The following SBNO1 variants were observed in gnomAD, a reference collection of about 807,000 sequenced individuals.
SBNO1 encodes the protein strawberry notch homolog 1.
In SBNO1, 23 loss-of-function variants were observed where a neutral mutation model predicts 173.6. That is an observed-to-expected ratio of 0.13 (90% CI 0.10 to 0.19). The LOEUF (loss-of-function observed/expected upper bound fraction) is 0.19, where lower values mean the gene tolerates loss of function less well. SBNO1 is among the 10% of genes least tolerant of loss of function. The probability of loss-of-function intolerance (pLI) is 1.00; values close to 1 mark genes in which losing one functional copy is unlikely to be tolerated. For synonymous variants in SBNO1, 632 were observed against 571.5 expected, an observed-to-expected ratio of 1.11 and a Z score of -1.51; for missense variants, 1,238 against 1,671.2, an observed-to-expected ratio of 0.74 and a Z score of 4.52.
chr12:123,312,088 T>C (rs1443832559), intron 24 of SBNO1, among the ~76,000 whole-genome samples: 2 of 151,910 alleles, frequency 1.3e-5, no homozygotes, highest in East Asian at 1.9e-4. Context: ...AATCTTTTTT[T>C]TTTTTTTCTG....
chr12:123,292,727 C>T lies in SBNO1; in HGVS notation c.*3181G>A, dbSNP rs2048529996. ...AAATATATATAGATACATACACACACTACATTGCTTTGGATGCAGGTTCTT... is the reference window on the plus strand; with the variant it reads ...AAATATATATAGATACATACACACATTACATTGCTTTGGATGCAGGTTCTT... On this transcript the variant is annotated 3_prime_UTR_variant, in exon 32 of 32. Coordinates refer to ENST00000602398, the MANE Select transcript of SBNO1 (RefSeq NM_001167856.3). 1 of 152,156 alleles carries T rather than the reference C, an allele frequency of 6.6e-6. No homozygotes were observed. The highest frequency in any genetic ancestry group is 6.5e-5 in the Admixed American group (1 of 15,268). 9.4% of individuals were successfully genotyped at this position (152,156 alleles called of 1,614,324 possible).
intron 30 of SBNO1, among the ~76,000 whole-genome samples, chr12:123,301,778 C>CCAGCTACT (rs1227990584): frequency 1.3e-5 from 2 of 151,968 alleles, no homozygotes; most frequent in African/African-American, 2.4e-5. Context: ...AGAAAAGAGC[C>CCAGCTACT]CAGCTACTCA....
At chr12:123,324,226 T>C (rs1199517587) in intron 15 of SBNO1, among the ~76,000 whole-genome samples, 1 of 151,398 alleles carries the variant, frequency 6.6e-6, no homozygotes, top group Admixed American at 6.6e-5. Context: ...AACTGCTCAA[T>C]AGCCACATGT....
Position 123,328,043 on chromosome 12 carries a change from T to G in SBNO1, c.1297-16A>C, listed in dbSNP as rs1164523845. 1 of 1,586,798 alleles carries G rather than the reference T, an allele frequency of 6.3e-7. No homozygotes were observed. The highest frequency in any genetic ancestry group is 8.6e-7 in the Non-Finnish European group (1 of 1,161,138). ...CAAACACTATCTAAATGGAATGAGT[T>G]AAGGAATGTATCACATTAGTATTAA... On this transcript the variant is annotated splice_polypyrimidine_tract_variant and intron_variant, in intron 10 of 31. Coordinates refer to ENST00000602398, the MANE Select transcript of SBNO1 (RefSeq NM_001167856.3).
intron 9 of SBNO1, 119 bp downstream of exon 9, chr12:123,330,300 G>A: frequency 1.5e-6 from 1 of 663,226 alleles, no homozygotes; most frequent in Non-Finnish European, 2.6e-6. Context: ...TATGCTTTCT[G>A]TGGAGTAACA....
intron 23 of SBNO1, 45 bp downstream of exon 23, chr12:123,315,328 A>G: frequency 7.0e-7 from 1 of 1,437,594 alleles, no homozygotes. Context: ...GAAAGACACC[A>G]TACACTATCA....
At chr12:123,313,387 G>A (rs1171133100) in intron 24 of SBNO1, among the ~76,000 whole-genome samples, 4 of 151,660 alleles carry the variant, frequency 2.6e-5, no homozygotes, top group African/African-American at 9.7e-5. Flanking sequence ...TCTCTTATTA[G>A]ACAAACATGC....
chr12:123,364,060 G>A, intron 1 of SBNO1: 1 of 985,476 alleles, frequency 1.0e-6, no homozygotes, highest in Non-Finnish European at 1.2e-6. Flanking sequence ...TTAGGGTCTG[G>A]GAGGTGAGCT....
At chr12:123,351,664 G>A (rs961930592) in intron 1 of SBNO1, among the ~76,000 whole-genome samples, 7 of 152,094 alleles carry the variant, frequency 4.6e-5, no homozygotes, top group Non-Finnish European at 8.8e-5. Flanking sequence ...CAGCAATGTG[G>A]AAACAAACTA....
rs1471082751 is a variant in SBNO1, at chr12:123,345,291, C to T, written c.517G>A (p.Ala173Thr). 6.2e-7 allele frequency: 1 copy of T among 1,614,124 alleles called. No homozygotes were observed. Among genetic ancestry groups the T allele is most frequent in the Non-Finnish European group, 8.5e-7 (1 of 1,179,988 alleles). The change falls in exon 4 of 32, where the codon GCT (alanine) becomes ACT (threonine). Residue 173 changes from alanine (A) to threonine (T), a missense_variant. By Grantham distance (58) the Ala-to-Thr change is moderately conservative. This residue lies in a region of SBNO1 where 287 missense variants were observed against 274.1 expected (regional missense o/e 1.05). Transcript: ENST00000602398. ...GTTGCTACTGGCTGAGCAATATTAG[C>T]AGGTGGCTTTAGTTTCATCAGTTCA... Reference protein sequence around the residue: ...LNELMKLKPPANIAQPVATAA... With the variant: ...LNELMKLKPPTNIAQPVATAA...
chr12:123,330,842 TTGAGCCCC>T (rs1190112835), intron 8 of SBNO1, among the ~76,000 whole-genome samples: 1 of 152,038 alleles, frequency 6.6e-6, no homozygotes, highest in Admixed American at 6.6e-5. Context: ...GCAGAACTGC[TTGAGCCCC>T]TGAGGTAGAG....
At chr12:123,318,470 C>A (rs185925490) in intron 20 of SBNO1, among the ~76,000 whole-genome samples, 80 of 152,020 alleles carry the variant, frequency 5.3e-4, no homozygotes, top group African/African-American at 1.8e-3. Context: ...CAGTAGCTCA[C>A]GCCTATAATC....
At chr12:123,333,733 A>G (rs1871510665) in intron 7 of SBNO1, among the ~76,000 whole-genome samples, 1 of 152,076 alleles carries the variant, frequency 6.6e-6, no homozygotes, top group African/African-American at 2.4e-5. Context: ...CCTGGGCTCA[A>G]GCAATCCACC....
chr12:123,330,576 T>C (rs1160075146), intron 8 of SBNO1, 67 bp from the exon 9 acceptor site: 2 of 895,966 alleles, frequency 2.2e-6, no homozygotes, highest in South Asian at 1.6e-5. Flanking sequence ...GGAATAAAAT[T>C]AATAAAGCCA....
At chr12:123,335,596 C>T (rs547092319) in intron 6 of SBNO1, among the ~76,000 whole-genome samples, 5 of 152,248 alleles carry the variant, frequency 3.3e-5, no homozygotes, top group South Asian at 2.1e-4. Flanking sequence ...ATGATTTTGC[C>T]GTTTTAGGCC....
intron 30 of SBNO1, among the ~76,000 whole-genome samples, chr12:123,299,155 T>C (rs1436909580): frequency 6.6e-6 from 1 of 152,084 alleles, no homozygotes; most frequent in Non-Finnish European, 1.5e-5. Context: ...GATCACAAAG[T>C]CAGGAGACTG....
chr12:123,327,355 A>G (rs1407908878), intron 13 of SBNO1, 71 bp downstream of exon 13: 2 of 1,325,390 alleles, frequency 1.5e-6, no homozygotes, highest in Non-Finnish European at 2.1e-6. Context: ...GAGGCATCGC[A>G]ATCGCCAAAA....
chr12:123,363,304 A>T (rs1875608460), intron 1 of SBNO1, among the ~76,000 whole-genome samples: 1 of 152,162 alleles, frequency 6.6e-6, no homozygotes, highest in Non-Finnish European at 1.5e-5. Context: ...CTTCTGTGCA[A>T]CGATGATAGC....
rs56718635 is a variant in SBNO1, at chr12:123,311,720, CTATATATATATATA to C, written c.3221-605_3221-592del. ...TCTATCTATCTATCTATCTATCTAT[CTATATATATATATA>C]TATATATATATATATTTTTGCGACA... On this transcript the variant is annotated intron_variant, in intron 24 of 31. Coordinates refer to ENST00000602398, the MANE Select transcript of SBNO1 (RefSeq NM_001167856.3). 4.2e-3 allele frequency among the ~76,000 whole-genome samples: 535 copies of C among 127,450 alleles called. 4 individuals are homozygous for C. The highest frequency in any genetic ancestry group is 0.017 in the East Asian group (77 of 4,656). The allele number at this position is 127,450 out of a possible 152,430, so 83.6% of individuals were successfully genotyped here.
Sources: gnomAD v4.1 joint callset for allele counts (sites outside exome capture counted in the v4.1 genomes callset) on GRCh38, gnomAD v4.1.1 for gene constraint, gnomAD v4.1.1 regional missense constraint, MANE v1.5 for transcripts, NCBI Gene and HGNC (gene_info 2026-07-23, HGNC 2026-07-21) for gene names.